Variants in ADCY8 observed in about 807,000 individuals in gnomAD.
ADCY8 encodes adenylate cyclase 8, also known as adenylate cyclase type 8.
A neutral mutation model predicts 119.7 loss-of-function variants in ADCY8; 51 were observed. The observed-to-expected ratio is 0.43, with a 90% CI of 0.34 to 0.54. The LOEUF is 0.54. Ranked by LOEUF, ADCY8 falls within the 20% of genes least tolerant of loss-of-function variation. The pLI, the probability that ADCY8 is intolerant of heterozygous loss-of-function variation, is 0.03. For missense variants in ADCY8, 1,383 were observed against 1,598.8 expected (o/e 0.87, Z 2.30); for synonymous variants, 665 against 651.0 (o/e 1.02, Z -0.33).
At chr8:130,878,442 T>C (rs1013980412) in intron 8 of ADCY8, among the ~76,000 whole-genome samples, 4 of 152,200 alleles carry the variant, frequency 2.6e-5, no homozygotes, top group Non-Finnish European at 5.9e-5. Context: ...ACATCTCCTC[T>C]AGACTTGTTA....
At chr8:130,961,150 C>T (rs925457698) in intron 2 of ADCY8, among the ~76,000 whole-genome samples, 1 of 152,138 alleles carries the variant, frequency 6.6e-6, no homozygotes, top group African/African-American at 2.4e-5. Context: ...CACTCTGTCA[C>T]CCAGGCTGGA....
At position 130,927,530 on chromosome 8, in the gene ADCY8, C is replaced by T. The variant is rs142523974; in HGVS notation, c.1481+9543G>A. Reference sequence around the variant, plus strand: ...AAGTATAGTTTACAAGTATTTTCTCCCATTCTGTAGTTTAGGTTCACTATC... The same window carrying T: ...AAGTATAGTTTACAAGTATTTTCTCTCATTCTGTAGTTTAGGTTCACTATC... On this transcript the variant is annotated intron_variant, in intron 5 of 17. Transcript: ENST00000286355. Among the ~76,000 whole-genome samples, 9 of 152,150 alleles carry T rather than the reference C, an allele frequency of 5.9e-5. No individual in the cohort carries two copies. The East Asian group carries it at 1.7e-3, about 29-fold the overall frequency.
At chr8:130,801,446 T>C (rs1165808132) in intron 14 of ADCY8, among the ~76,000 whole-genome samples, 1 of 152,246 alleles carries the variant, frequency 6.6e-6, no homozygotes, top group African/African-American at 2.4e-5. Context: ...TCAATACTTC[T>C]ACCTGATCAT....
intron 4 of ADCY8, 144 bp from the exon 5 acceptor site, chr8:130,937,344 T>G: frequency 1.2e-6 from 1 of 835,580 alleles, no homozygotes; most frequent in South Asian, 2.4e-5. Context: ...CTTCTACCTG[T>G]CTTTCTAAAA....
intron 1 of ADCY8, among the ~76,000 whole-genome samples, chr8:131,008,921 C>T (rs920328631): frequency 6.6e-6 from 1 of 152,092 alleles, no homozygotes; most frequent in African/African-American, 2.4e-5. Context: ...GCATTTTGCC[C>T]CTGCCCTAGA....
At chr8:130,896,184 A>C (rs1819380598) in intron 7 of ADCY8, among the ~76,000 whole-genome samples, 1 of 152,140 alleles carries the variant, frequency 6.6e-6, no homozygotes, top group Non-Finnish European at 1.5e-5. Context: ...TAATTGTAAC[A>C]ATGTTCACAG....
At chr8:130,799,558 C>A (rs1434685343) in intron 15 of ADCY8, among the ~76,000 whole-genome samples, 1 of 152,176 alleles carries the variant, frequency 6.6e-6, no homozygotes, top group African/African-American at 2.4e-5. Context: ...GTGCTGGCTG[C>A]TGACAATGCA....
intron 8 of ADCY8, among the ~76,000 whole-genome samples, chr8:130,876,960 A>G (rs1319173829): frequency 1.3e-5 from 2 of 151,874 alleles, no homozygotes; most frequent in Non-Finnish European, 2.9e-5. Context: ...TTGAATCCCC[A>G]CTCTGCTGCC....
chr8:130,826,158 C>T (rs1280354385), intron 12 of ADCY8, among the ~76,000 whole-genome samples: 2 of 152,160 alleles, frequency 1.3e-5, no homozygotes, highest in Non-Finnish European at 2.9e-5. Context: ...CATAGTTTCC[C>T]TATCATTAAA....
chr8:130,856,823 T>C (rs11988070), intron 9 of ADCY8, among the ~76,000 whole-genome samples: 3,002 of 152,030 alleles, frequency 0.02, 111 homozygotes, highest in African/African-American at 0.066. Context: ...TTTGTTCTTG[T>C]CATCTTTTTT....
At chr8:130,917,432 A>C (rs1820162335) in intron 5 of ADCY8, among the ~76,000 whole-genome samples, 1 of 152,194 alleles carries the variant, frequency 6.6e-6, no homozygotes, top group Non-Finnish European at 1.5e-5. Context: ...TGGTGTTTGG[A>C]TACTTTGCTG....
At chr8:130,786,933 G>A (rs1241691974) in intron 15 of ADCY8, among the ~76,000 whole-genome samples, 1 of 152,060 alleles carries the variant, frequency 6.6e-6, no homozygotes, top group African/African-American at 2.4e-5. Flanking sequence ...GGCATGGGAA[G>A]GGGAGCATCC....
chr8:130,927,374 G>A (rs1051233383), intron 5 of ADCY8, among the ~76,000 whole-genome samples: 40 of 152,210 alleles, frequency 2.6e-4, no homozygotes, highest in African/African-American at 8.4e-4. Context: ...AAATATACCT[G>A]TTGGCTTGTA....
intron 2 of ADCY8, among the ~76,000 whole-genome samples, chr8:130,960,003 G>A (rs1458956109): frequency 3.3e-5 from 5 of 152,220 alleles, no homozygotes; most frequent in African/African-American, 1.2e-4. Flanking sequence ...ATACAGAAAA[G>A]AGTAGATTCA....
chr8:130,965,885 G>A (rs1156594609), intron 2 of ADCY8, among the ~76,000 whole-genome samples: 1 of 152,080 alleles, frequency 6.6e-6, no homozygotes, highest in African/African-American at 2.4e-5. Context: ...TCAGCTAAAA[G>A]GAAATTTGCA....
At chr8:130,903,741 G>A in intron 7 of ADCY8, 31 bp downstream of exon 7, 1 of 1,607,896 alleles carries the variant, frequency 6.2e-7, no homozygotes, top group South Asian at 1.1e-5. Flanking sequence ...ATGCATTCAT[G>A]GCCAAGCAGA....
chr8:130,861,910 C>T (rs1817943129), intron 9 of ADCY8, among the ~76,000 whole-genome samples: 1 of 152,026 alleles, frequency 6.6e-6, no homozygotes, highest in South Asian at 2.1e-4. Context: ...TTATCCAATG[C>T]ATTTATTTGG....
chr8:131,017,666 A>C (rs183505778), intron 1 of ADCY8, among the ~76,000 whole-genome samples: 226 of 151,940 alleles, frequency 1.5e-3, no homozygotes, highest in Middle Eastern at 6.8e-3. Context: ...GATATCCACC[A>C]CCCCTGAATA....
chr8:130,996,785 CAAATT>C (rs1822790661), intron 1 of ADCY8, among the ~76,000 whole-genome samples: 1 of 152,076 alleles, frequency 6.6e-6, no homozygotes, highest in African/African-American at 2.4e-5. Context: ...AGCAAAGTCT[CAAATT>C]AAAGAAAACT....
Sources: gnomAD v4.1 joint callset for allele counts (sites outside exome capture counted in the v4.1 genomes callset) on GRCh38, gnomAD v4.1.1 for gene constraint, MANE v1.5 for transcripts, NCBI Gene and HGNC (gene_info 2026-07-23, HGNC 2026-07-21) for gene names.